SCN8A: variants seen among roughly 807,000 people sequenced by gnomAD.
SCN8A encodes sodium channel protein type 8 subunit alpha.
In SCN8A, 30 loss-of-function variants were observed where a neutral mutation model predicts 184.1. That is an observed-to-expected ratio of 0.16 (90% confidence interval 0.12 to 0.22). SCN8A has a LOEUF of 0.22. Ranked by LOEUF, SCN8A falls within the 10% of genes least tolerant of loss-of-function variation. The probability of loss-of-function intolerance (pLI) is 1.00; values close to 1 mark genes in which losing one functional copy is unlikely to be tolerated. For synonymous variants in SCN8A, 852 were observed against 907.0 expected, an observed-to-expected ratio of 0.94 and a Z score of 1.09; for missense variants, 1,057 against 2,498.9, an observed-to-expected ratio of 0.42 and a Z score of 12.30.
intron 16 of SCN8A, 51 bp from the exon 17 acceptor site, chr12:51,768,814 G>T (rs1345196787): frequency 2.0e-6 from 3 of 1,465,366 alleles, no homozygotes; most frequent in Non-Finnish European, 2.7e-6. Flanking sequence ...CCCTGAGTTC[G>T]ATGGATAACT....
chr12:51,730,049 T>C (rs1304069426), intron 12 of SCN8A, among the ~76,000 whole-genome samples: 1 of 152,152 alleles, frequency 6.6e-6, no homozygotes, highest in Non-Finnish European at 1.5e-5. Flanking sequence ...TATAAAAATG[T>C]TTAATGTTAA....
At chr12:51,734,616 G>C (rs1942294774) in intron 12 of SCN8A, among the ~76,000 whole-genome samples, 1 of 152,166 alleles carries the variant, frequency 6.6e-6, no homozygotes, top group African/African-American at 2.4e-5. Flanking sequence ...TGGGTGTGAG[G>C]GCCATCATGA....
At chr12:51,675,040 G>T (rs558219082) in intron 2 of SCN8A, among the ~76,000 whole-genome samples, 1 of 152,316 alleles carries the variant, frequency 6.6e-6, no homozygotes, top group Admixed American at 6.5e-5. Context: ...AAATAGAGGG[G>T]TTAATATGCT....
chr12:51,667,453 T>A (rs1430284845), intron 2 of SCN8A, among the ~76,000 whole-genome samples: 2 of 152,072 alleles, frequency 1.3e-5, no homozygotes, highest in African/African-American at 4.8e-5. Flanking sequence ...CTCAACCTCC[T>A]GGGCAACCTC....
intron 12 of SCN8A, among the ~76,000 whole-genome samples, chr12:51,735,105 TC>T (rs1439308790): frequency 6.6e-6 from 1 of 151,992 alleles, no homozygotes; most frequent in Non-Finnish European, 1.5e-5. Context: ...TATGTTTAGC[TC>T]CCACAACGAG....
At position 51,810,502 on chromosome 12, in the gene SCN8A, C is replaced by T. The variant is rs1259008739; in HGVS notation, c.*3073C>T. On this transcript the variant is annotated 3_prime_UTR_variant, in exon 27 of 27. Transcript: ENST00000627620. ...TAACGAAGCCAATCAAAGAGCAGCG[C>T]AGCCACAGTATCACTGCACATATAT... 1.6e-5 allele frequency: 7 copies of T among 433,654 alleles called. No homozygotes were observed. Among genetic ancestry groups the T allele is most frequent in the South Asian group, 8.2e-5 (5 of 61,076 alleles). 26.9% of individuals were successfully genotyped at this position (433,654 alleles called of 1,614,324 possible).
intron 2 of SCN8A, among the ~76,000 whole-genome samples, chr12:51,671,143 G>A (rs1592369096): frequency 1.3e-5 from 2 of 152,266 alleles, no homozygotes; most frequent in East Asian, 1.9e-4. Flanking sequence ...TAGGACTTCA[G>A]CAAGTACTAA....
At chr12:51,610,500 T>C (rs1285285789) in intron 1 of SCN8A, among the ~76,000 whole-genome samples, 1 of 152,234 alleles carries the variant, frequency 6.6e-6, no homozygotes, top group Non-Finnish European at 1.5e-5. Context: ...GTGTGATTTA[T>C]GCTTTAAAGT....
chr12:51,713,772 C>T (rs1049263781), intron 11 of SCN8A, among the ~76,000 whole-genome samples: 1 of 151,966 alleles, frequency 6.6e-6, no homozygotes, highest in African/African-American at 2.4e-5. Flanking sequence ...GGTCTTAGGA[C>T]CCCTTTATCT....
chr12:51,710,165 C>T lies in SCN8A; in HGVS notation c.1635+3450C>T, dbSNP rs564299165. ...GGGAATTCCCCTAATCAGATTCATTCTATTTACTAATTAAGTCCCAACTCC... is the reference window on the plus strand; with the variant it reads ...GGGAATTCCCCTAATCAGATTCATTTTATTTACTAATTAAGTCCCAACTCC... On this transcript the variant is annotated intron_variant, in intron 11 of 26. Coordinates refer to ENST00000627620, the MANE Select transcript of SCN8A (RefSeq NM_001330260.2). 1.8e-3 allele frequency among the ~76,000 whole-genome samples: 274 copies of T among 152,204 alleles called. 3 individuals carry two copies. The highest frequency in any genetic ancestry group is 8.9e-3 in the South Asian group (43 of 4,810).
intron 1 of SCN8A, among the ~76,000 whole-genome samples, chr12:51,598,151 G>A (rs550422699): frequency 6.6e-6 from 1 of 152,246 alleles, no homozygotes; most frequent in Non-Finnish European, 1.5e-5. Context: ...GATGAGTATT[G>A]TGATAGGGAG....
chr12:51,673,972 G>C (rs1941177417), intron 2 of SCN8A, among the ~76,000 whole-genome samples: 1 of 152,192 alleles, frequency 6.6e-6, no homozygotes, highest in Admixed American at 6.5e-5. Context: ...AAATTCACCT[G>C]TCAGAGAAGA....
chr12:51,640,301 T>G (rs1437498324), intron 1 of SCN8A, among the ~76,000 whole-genome samples: 1 of 146,004 alleles, frequency 6.8e-6, no homozygotes, highest in African/African-American at 2.6e-5. Context: ...AGCATAAACA[T>G]AACTTTTTTA....
At chr12:51,794,781 TG>T in intron 26 of SCN8A, 140 bp downstream of exon 26, 1 of 778,950 alleles carries the variant, frequency 1.3e-6, no homozygotes, top group Middle Eastern at 3.8e-4. Context: ...TGTGTGCCCC[TG>T]AGTCATCTCG....
chr12:51,691,061 GC>G (rs1284024286), intron 6 of SCN8A, among the ~76,000 whole-genome samples: 1 of 152,164 alleles, frequency 6.6e-6, no homozygotes. Flanking sequence ...CTTTAGGCAA[GC>G]CCTGTCTTAT....
chr12:51,803,745 AT>A, intron 26 of SCN8A, among the ~76,000 whole-genome samples: 1 of 152,218 alleles, frequency 6.6e-6, no homozygotes, highest in South Asian at 2.1e-4. Context: ...GTCACTGGTT[AT>A]GATTTAATTG....
intron 1 of SCN8A, among the ~76,000 whole-genome samples, chr12:51,660,526 G>T (rs1024346581): frequency 4.6e-5 from 7 of 152,160 alleles, no homozygotes; most frequent in Admixed American, 6.5e-5. Flanking sequence ...CTGTGAAAGG[G>T]ATACAAAAGA....
intron 9 of SCN8A, 37 bp from the exon 10 acceptor site, chr12:51,705,380 G>A (rs774829215): frequency 1.8e-5 from 29 of 1,604,226 alleles, no homozygotes; most frequent in Middle Eastern, 3.3e-4. Context: ...GGTTCATTTG[G>A]TACAAGTGAC....
At chr12:51,766,173 G>C in intron 16 of SCN8A, 146 bp downstream of exon 16, 1 of 721,552 alleles carries the variant, frequency 1.4e-6, no homozygotes, top group East Asian at 2.6e-5. Context: ...AAACCCTAAG[G>C]TACAAATGAA....
Sources: gnomAD v4.1 joint callset for allele counts (sites outside exome capture counted in the v4.1 genomes callset) on GRCh38, gnomAD v4.1.1 for gene constraint, MANE v1.5 for transcripts, NCBI Gene and HGNC (gene_info 2026-07-23, HGNC 2026-07-21) for gene names.